Variants in PTPN4 observed in about 807,000 individuals in gnomAD.
The protein encoded by PTPN4 is protein tyrosine phosphatase non-receptor type 4.
PTPN4 carries 49 observed loss-of-function variants against 135.5 expected under a neutral mutation model. That is an observed-to-expected ratio of 0.36 (90% CI 0.29 to 0.46). PTPN4 has a LOEUF of 0.46. Among genes scored for constraint, PTPN4 ranks in the 20% least tolerant of loss-of-function variants. The pLI is 1.00. For synonymous variants in PTPN4, 333 were observed against 369.9 expected (o/e 0.90, Z 1.14); for missense variants, 860 against 1,101.0 (o/e 0.78, Z 3.10).
chr2:119,925,076 A>G (rs776656532), intron 12 of PTPN4, among the ~76,000 whole-genome samples: 3 of 152,166 alleles, frequency 2.0e-5, no homozygotes, highest in African/African-American at 4.8e-5. Context: ...TGACTGATAC[A>G]TTAATTTTCC....
chr2:119,855,142 G>A (rs540301235), intron 2 of PTPN4, among the ~76,000 whole-genome samples: 2 of 152,054 alleles, frequency 1.3e-5, no homozygotes, highest in Admixed American at 6.5e-5. Flanking sequence ...CTCATCCATG[G>A]TTTTTCTAAG....
chr2:119,965,614 G>A lies in PTPN4; in HGVS notation c.2527G>A (p.Gly843Ser), dbSNP rs1181729519. Residue 843 changes from glycine to serine, a missense_variant, in exon 25 of 27, where the codon GGC becomes AGC. Physicochemically the swap from Gly to Ser is moderately conservative, Grantham distance 56 (BLOSUM62 0). Coordinates refer to ENST00000263708, the MANE Select transcript of PTPN4 (RefSeq NM_002830.4). ...FVCHVRNKRA[G>S]KEEPVVVHCS... Reference sequence around the variant, plus strand: ...TTGTCATGTACGAAACAAGAGGGCTGGCAAGGAAGAACCCGTTGTTGTCCA... The same window carrying A: ...TTGTCATGTACGAAACAAGAGGGCTAGCAAGGAAGAACCCGTTGTTGTCCA... The A allele has an allele frequency of 1.9e-6, 3 of 1,613,998 alleles. No individual in the cohort carries two copies. The highest frequency in any genetic ancestry group is 2.2e-5 in the East Asian group (1 of 44,862).
intron 9 of PTPN4, among the ~76,000 whole-genome samples, chr2:119,888,021 G>A (rs1190458633): frequency 1.3e-5 from 2 of 151,994 alleles, no homozygotes; most frequent in Non-Finnish European, 2.9e-5. Flanking sequence ...TTTTCTATTT[G>A]TTTGTGTCAT....
rs925598577 is a variant in PTPN4 at position 119,932,193 on chromosome 2, T to G, written c.1071-231T>G. ...CTTCTGTTTTTCTCATCCTTCTTAT[T>G]GTCTATCTTACTCTTCCTAGCCTGT... On this transcript the variant is annotated intron_variant, in intron 13 of 26. Coordinates refer to ENST00000263708, the MANE Select transcript of PTPN4 (RefSeq NM_002830.4). 5 of 270,996 alleles carry G rather than the reference T, an allele frequency of 1.8e-5. No homozygotes were observed. The East Asian group carries it at 2.2e-4, about 12-fold the overall frequency. The allele number at this position is 270,996 out of a possible 1,614,324, so 16.8% of individuals were successfully genotyped here. A position where few individuals can be genotyped will look rare whatever the true frequency, so the allele number is the denominator to read the frequency against.
At chr2:119,784,518 C>G (rs1170347197) in intron 1 of PTPN4, among the ~76,000 whole-genome samples, 1 of 151,466 alleles carries the variant, frequency 6.6e-6, no homozygotes, top group African/African-American at 2.4e-5. Flanking sequence ...TCCCGAGTAG[C>G]TGGGACTACA....
chr2:119,813,317 G>A (rs149538973), intron 2 of PTPN4, among the ~76,000 whole-genome samples: 2,172 of 151,174 alleles, frequency 0.014, 46 homozygotes, highest in African/African-American at 0.05. Flanking sequence ...GCACGATCTC[G>A]GCTCACCGCA....
chr2:119,952,099 G>A lies in PTPN4; in HGVS notation c.1783G>A (p.Gly595Arg), dbSNP rs1375991041. Residue 595 changes from glycine (G) to arginine (R), a missense_variant, in exon 19 of 27, where the codon GGG becomes AGG. By Grantham distance (125) the Gly-to-Arg change is moderately radical. Transcript: ENST00000263708. ...TAAAGCTAGTTGTGAGAGACATTCTGGGGAACTCATGCTTCTAGTTCGACC... is the reference window on the plus strand; with the variant it reads ...TAAAGCTAGTTGTGAGAGACATTCTAGGGAACTCATGCTTCTAGTTCGACC... ...FIKASCERHS[G>R]ELMLLVRPNA... 1 of 1,612,962 alleles carries A rather than the reference G, an allele frequency of 6.2e-7. No individual in the cohort carries two copies. The highest frequency in any genetic ancestry group is 2.2e-5 in the East Asian group (1 of 44,852).
intron 1 of PTPN4, among the ~76,000 whole-genome samples, chr2:119,807,410 A>G (rs1055452921): frequency 2.0e-5 from 3 of 152,214 alleles, no homozygotes; most frequent in Non-Finnish European, 4.4e-5. Context: ...CACCCATCCC[A>G]CAGAAATACA....
At chr2:119,927,604 G>T (rs1467722074) in intron 13 of PTPN4, among the ~76,000 whole-genome samples, 1 of 152,180 alleles carries the variant, frequency 6.6e-6, no homozygotes, top group Non-Finnish European at 1.5e-5. Context: ...TGGAAAATAG[G>T]GAACAAATTT....
intron 19 of PTPN4, among the ~76,000 whole-genome samples, chr2:119,952,945 C>T (rs1679230025): frequency 6.6e-6 from 1 of 152,176 alleles, no homozygotes; most frequent in African/African-American, 2.4e-5. Context: ...TTTCTTCAGT[C>T]CTGCTCCTAA....
chr2:119,933,335 C>A (rs993255769), intron 14 of PTPN4, among the ~76,000 whole-genome samples: 1 of 152,018 alleles, frequency 6.6e-6, no homozygotes, highest in African/African-American at 2.4e-5. Context: ...TTGAAGATGT[C>A]TTTTTTCATA....
intron 5 of PTPN4, among the ~76,000 whole-genome samples, chr2:119,877,833 T>C (rs775883635): frequency 9.2e-5 from 14 of 152,148 alleles, no homozygotes; most frequent in Non-Finnish European, 1.8e-4. Flanking sequence ...CTATAATTAA[T>C]TGAGGTCATC....
At chr2:119,859,871 T>C (rs111450896) in intron 2 of PTPN4, among the ~76,000 whole-genome samples, 3,542 of 152,296 alleles carry the variant, frequency 0.023, 131 homozygotes, top group African/African-American at 0.077. Flanking sequence ...GCTCAGTTTT[T>C]TTCCCATTGA....
chr2:119,786,880 C>T (rs1004357776), intron 1 of PTPN4, among the ~76,000 whole-genome samples: 1 of 152,116 alleles, frequency 6.6e-6, no homozygotes, highest in Admixed American at 6.6e-5. Flanking sequence ...CTGGCCCTTC[C>T]CCACAGATAC....
chr2:119,944,115 A>C (rs1003485274), intron 15 of PTPN4, among the ~76,000 whole-genome samples: 1 of 152,180 alleles, frequency 6.6e-6, no homozygotes, highest in African/African-American at 2.4e-5. Flanking sequence ...ACTAGGTATA[A>C]AATGTGTGCT....
chr2:119,956,832 T>C lies in PTPN4; in HGVS notation c.1981-12T>C. The C allele has an allele frequency of 6.3e-7, 1 of 1,579,922 alleles. No individual in the cohort carries two copies. Among genetic ancestry groups the C allele is most frequent in the Non-Finnish European group, 8.5e-7 (1 of 1,171,334 alleles). Reference sequence around the variant, plus strand: ...CTTTTGTTGGAATTGTACCTTTTTTTTTTTTTTTTAGCAACTGTATCGGAA... The same window carrying C: ...CTTTTGTTGGAATTGTACCTTTTTTCTTTTTTTTTAGCAACTGTATCGGAA... On this transcript the variant is annotated splice_polypyrimidine_tract_variant and intron_variant, in intron 20 of 26. Transcript: ENST00000263708.
At chr2:119,973,063 G>C (rs141160571) in intron 26 of PTPN4, among the ~76,000 whole-genome samples, 2 of 151,986 alleles carry the variant, frequency 1.3e-5, no homozygotes, top group East Asian at 3.9e-4. Flanking sequence ...CCATTTTTAA[G>C]TATACAGTTT....
intron 26 of PTPN4, among the ~76,000 whole-genome samples, chr2:119,973,050 C>T (rs1459503128): frequency 6.6e-6 from 1 of 152,014 alleles, no homozygotes; most frequent in Non-Finnish European, 1.5e-5. Flanking sequence ...TTTACCAGCT[C>T]AACCATTTTT....
At chr2:119,844,508 C>G (rs1361240838) in intron 2 of PTPN4, among the ~76,000 whole-genome samples, 1 of 138,334 alleles carries the variant, frequency 7.2e-6, no homozygotes, top group African/African-American at 2.8e-5. Context: ...GGGTGGTTGC[C>G]GGGCAGAGGG....
Sources: allele counts gnomAD v4.1 joint callset (sites outside exome capture counted in the v4.1 genomes callset), GRCh38; gene constraint gnomAD v4.1.1; transcripts MANE v1.5; gene names NCBI Gene and HGNC (gene_info 2026-07-23, HGNC 2026-07-21).